Variants in CD300A observed in about 807,000 individuals in gnomAD.
The protein encoded by CD300A is CMRF35-like molecule 8.
Under a neutral mutation model 33.6 loss-of-function variants are expected in CD300A, and 22 were observed. The ratio of observed to expected loss-of-function variants is 0.66; its 90% CI spans 0.47 to 0.94. CD300A has a LOEUF of 0.94. Ranked by LOEUF, CD300A falls within the 40% of genes least tolerant of loss-of-function variation. The pLI is 0.00. For synonymous variants in CD300A, 136 were observed against 148.1 expected, an observed-to-expected ratio of 0.92 and a Z score of 0.59; for missense variants, 326 against 360.5, an observed-to-expected ratio of 0.90 and a Z score of 0.77.
chr17:74,481,475 C>A, intron 5 of CD300A, 149 bp downstream of exon 5: 1 of 741,668 alleles, frequency 1.3e-6, no homozygotes, highest in Non-Finnish European at 2.3e-6. Flanking sequence ...GAGATGTGGT[C>A]ACTAGGTCTT....
At position 74,466,854 on chromosome 17, in the gene CD300A, C is replaced by T; in HGVS notation, c.40+111C>T. On this transcript the variant is annotated intron_variant, in intron 1 of 6. Transcript: ENST00000360141. The stretch of plus-strand genomic sequence containing the variant: ...CCCCGAGTCTGGACTCCGTGCAGAA[C>T]GCAGAATGCGGTGCGCTCTGTCTAC... The T allele has an allele frequency of 5.9e-6, 9 of 1,538,436 alleles. 1 individual carries two copies. Among genetic ancestry groups the T allele is most frequent in the Admixed American group, 2.0e-5 (1 of 50,694 alleles).
At chr17:74,469,286 G>A (rs747450597) in intron 1 of CD300A, among the ~76,000 whole-genome samples, 6 of 151,708 alleles carry the variant, frequency 4.0e-5, no homozygotes, top group Non-Finnish European at 5.9e-5. Flanking sequence ...ATTTTAGGAG[G>A]TTGAGGTGGG....
intron 1 of CD300A, among the ~76,000 whole-genome samples, chr17:74,469,592 A>G (rs1905954727): frequency 6.6e-6 from 1 of 152,194 alleles, no homozygotes; most frequent in Non-Finnish European, 1.5e-5. Context: ...TGGGAGGCCA[A>G]GGCGGGTGGA....
At chr17:74,472,627 T>TG (rs1427900256) in intron 1 of CD300A, among the ~76,000 whole-genome samples, 6 of 151,688 alleles carry the variant, frequency 4.0e-5, no homozygotes, top group Admixed American at 3.9e-4. Context: ...TTTTTTTTTT[T>TG]GAGACAGAGT....
chr17:74,477,206 A>T (rs1906523266), intron 3 of CD300A, among the ~76,000 whole-genome samples: 1 of 152,026 alleles, frequency 6.6e-6, no homozygotes, highest in East Asian at 1.9e-4. Flanking sequence ...GTCTCTACGA[A>T]AAATTTAAAA....
chr17:74,483,071 T>A (rs1567986072), intron 6 of CD300A, among the ~76,000 whole-genome samples: 1 of 152,160 alleles, frequency 6.6e-6, no homozygotes, highest in South Asian at 2.1e-4. Flanking sequence ...TTGCATGACA[T>A]GATCTTGTGT....
In CD300A at chr17:74,477,450, T is replaced by G; in HGVS notation, c.548T>G (p.Leu183Arg). Residue 183 changes from leucine (L) to arginine (R), a missense_variant, in exon 4 of 7, where the codon CTC becomes CGC. Physicochemically the swap from Leu to Arg is moderately radical, Grantham distance 102. Transcript: ENST00000360141. ...GCCTCCTCCAGGCTCCCGCTGCTCC[T>G]CTCCCTGCTGGCATTGTTGCTGCTT... is the stretch of plus-strand genomic sequence containing the variant. Reference protein sequence around the residue: ...EVVNSQLPLLLSLLALLLLLL... With the variant: ...EVVNSQLPLLRSLLALLLLLL... 6.2e-7 allele frequency: 1 copy of G among 1,613,618 alleles called. No homozygotes were observed. The highest frequency in any genetic ancestry group is 8.5e-7 in the Non-Finnish European group (1 of 1,179,746).
intron 2 of CD300A, 39 bp from the exon 3 acceptor site, chr17:74,474,493 G>A (rs1174149607): frequency 6.2e-7 from 1 of 1,607,824 alleles, no homozygotes; most frequent in Non-Finnish European, 8.5e-7. Context: ...GAGAGCCAGA[G>A]GACAGCTCCC....
At chr17:74,476,843 G>A (rs1470835988) in intron 3 of CD300A, among the ~76,000 whole-genome samples, 1 of 152,212 alleles carries the variant, frequency 6.6e-6, no homozygotes, top group African/African-American at 2.4e-5. Flanking sequence ...AAGATGTATT[G>A]CTAAGTAAAA....
chr17:74,469,732 T>C (rs527369378), intron 1 of CD300A, among the ~76,000 whole-genome samples: 332 of 152,198 alleles, frequency 2.2e-3, no homozygotes, highest in African/African-American at 7.7e-3. Flanking sequence ...GGCTGAGACA[T>C]GAGAGTCACT....
chr17:74,466,802 G>T, intron 1 of CD300A, 59 bp downstream of exon 1: 1 of 1,555,836 alleles, frequency 6.4e-7, no homozygotes, highest in Non-Finnish European at 8.7e-7. Context: ...GAGGGGCAGG[G>T]CCGCAGGGCA....
chr17:74,473,842 C>T lies in CD300A; in HGVS notation c.347C>T (p.Pro116Leu). 1 of 1,612,930 alleles carries T rather than the reference C, an allele frequency of 6.2e-7. No homozygotes were observed. Among genetic ancestry groups the T allele is most frequent in the South Asian group, 1.1e-5 (1 of 91,078 alleles). Residue 116 changes from proline (P) to leucine (L), a missense_variant, in exon 2 of 7, where the codon CCC becomes CTC. Transcript: ENST00000360141. ...CCATGGCTCCGAGACTTTCATGATCCCGTTGTCGAGGTTGAGGTGTCCGTG... is the reference window on the plus strand; with the variant it reads ...CCATGGCTCCGAGACTTTCATGATCTCGTTGTCGAGGTTGAGGTGTCCGTG... ...DTPWLRDFHD[P>L]VVEVEVSVFP...
chr17:74,482,303 C>G (rs1906912084), intron 6 of CD300A, among the ~76,000 whole-genome samples: 1 of 151,842 alleles, frequency 6.6e-6, no homozygotes, highest in Non-Finnish European at 1.5e-5. Flanking sequence ...AGAGTTCAAG[C>G]AGAAGCTGGG....
At chr17:74,483,390 A>G (rs1907046161) in intron 6 of CD300A, among the ~76,000 whole-genome samples, 1 of 136,012 alleles carries the variant, frequency 7.4e-6, no homozygotes, top group Non-Finnish European at 1.6e-5. Context: ...ACAGAGTCCC[A>G]CTCTGTCGCC....
chr17:74,474,655 A>G lies in CD300A; in HGVS notation c.503A>G (p.Gln168Arg). ...GGTGCCACCCACAGTGCCAGCATCC[A>G]GGAGGAAACTGAGGAGGTGGTGAAC... ...AVGATHSASI[Q>R]EETEEVVNSQ... The change falls in exon 3 of 7, where the codon CAG becomes CGG. Residue 168 changes from glutamine to arginine, a missense_variant. Coordinates refer to ENST00000360141, the MANE Select transcript of CD300A (RefSeq NM_007261.4). 6.2e-7 allele frequency: 1 copy of G among 1,614,170 alleles called. No homozygotes were observed. Among genetic ancestry groups the G allele is most frequent in the Middle Eastern group, 1.7e-4 (1 of 6,060 alleles).
At chr17:74,474,752 C>A in intron 3 of CD300A, 67 bp downstream of exon 3, 1 of 1,550,472 alleles carries the variant, frequency 6.4e-7, no homozygotes, top group Non-Finnish European at 8.8e-7. Flanking sequence ...AGGGCGGGGA[C>A]CTTGGCCATG....
At chr17:74,468,482 GCCACCACAC>G (rs2144499007) in intron 1 of CD300A, among the ~76,000 whole-genome samples, 1 of 151,208 alleles carries the variant, frequency 6.6e-6, no homozygotes, top group African/African-American at 2.4e-5. Flanking sequence ...ACAGGTGTGT[GCCACCACAC>G]CCAGCTGGAT....
Position 74,483,998 on chromosome 17 carries a change from C to T in CD300A, c.775-3C>T. On this transcript the variant is annotated splice_region_variant and splice_polypyrimidine_tract_variant and intron_variant, in intron 6 of 6. Transcript: ENST00000360141. ...TCTTCAGTTTCTTGGTTTCTCTCTG[C>T]AGGCCTCCCCCAGGGAAGAACTTCA... 3.1e-6 allele frequency: 5 copies of T among 1,613,658 alleles called. No individual in the cohort carries two copies. The highest frequency in any genetic ancestry group is 4.2e-6 in the Non-Finnish European group (5 of 1,179,686).
chr17:74,467,051 C>T (rs1048919706), intron 1 of CD300A: 6 of 1,203,754 alleles, frequency 5.0e-6, no homozygotes, highest in Admixed American at 3.9e-5. Flanking sequence ...GGAAGGGGGA[C>T]GAGAGGCAGG....
Sources: allele counts gnomAD v4.1 joint callset (sites outside exome capture counted in the v4.1 genomes callset), GRCh38; gene constraint gnomAD v4.1.1; transcripts MANE v1.5; gene names NCBI Gene and HGNC (gene_info 2026-07-23, HGNC 2026-07-21).